Variants in TIAM1 observed in about 807,000 individuals in gnomAD.
TIAM1 encodes the protein rho guanine nucleotide exchange factor TIAM1.
TIAM1 carries 65 observed loss-of-function variants against 163.5 expected under a neutral mutation model. The observed-to-expected ratio is 0.40, with a 90% confidence interval of 0.33 to 0.49. The LOEUF is 0.49. Among genes scored for constraint, TIAM1 ranks in the 20% least tolerant of loss-of-function variants. TIAM1 has a pLI of 0.77. For missense variants in TIAM1, 1,789 were observed against 2,044.7 expected, an observed-to-expected ratio of 0.87 and a Z score of 2.41; for synonymous variants, 833 against 810.1, an observed-to-expected ratio of 1.03 and a Z score of -0.48.
At chr21:31,447,047 C>T (rs1353074128) in intron 2 of TIAM1, among the ~76,000 whole-genome samples, 3 of 152,006 alleles carry the variant, frequency 2.0e-5, no homozygotes, top group Non-Finnish European at 4.4e-5. Context: ...ATTATTACGG[C>T]CATTGTGGGC....
At chr21:31,341,736 T>A (rs114125962) in intron 1 of TIAM1, among the ~76,000 whole-genome samples, 1 of 152,202 alleles carries the variant, frequency 6.6e-6, no homozygotes. Context: ...GACAAATACA[T>A]GGTGTCCTCC....
intron 12 of TIAM1, among the ~76,000 whole-genome samples, chr21:31,198,869 A>AC (rs1172947600): frequency 2.0e-5 from 3 of 152,208 alleles, no homozygotes; most frequent in Non-Finnish European, 2.9e-5. Flanking sequence ...CGCTGGCCAC[A>AC]ACATCCTTAG....
intron 1 of TIAM1, among the ~76,000 whole-genome samples, chr21:31,499,948 CCT>C (rs1253694301): frequency 6.6e-6 from 1 of 151,874 alleles, no homozygotes; most frequent in African/African-American, 2.4e-5. Flanking sequence ...CGGCAAATCC[CCT>C]GAGGTCAGAA....
chr21:31,266,043 G>C lies in TIAM1; in HGVS notation c.930C>G (p.Asn310Lys). ...TTTTAGCTCTTCTGCCTTGCATGCT[G>C]TTGCTATGGCTAATTTGTGGGTTGG... ...GATNPQISHS[N>K]SMQGRRAKTT... The change falls in exon 4 of 28, where the codon AAC becomes AAG. Residue 310 changes from asparagine (N) to lysine (K), a missense_variant. Physicochemically the swap from Asn to Lys is moderately conservative, Grantham distance 94 (BLOSUM62 0). Transcript: ENST00000541036. 1 of 1,614,208 alleles carries C rather than the reference G, an allele frequency of 6.2e-7. No individual in the cohort carries two copies. The highest frequency in any genetic ancestry group is 8.5e-7 in the Non-Finnish European group (1 of 1,180,030).
intron 2 of TIAM1, among the ~76,000 whole-genome samples, chr21:31,320,552 G>A (rs2075277018): frequency 6.6e-6 from 1 of 152,140 alleles, no homozygotes; most frequent in Non-Finnish European, 1.5e-5. Flanking sequence ...TTGAGTCTGA[G>A]GTCTCCAAGG....
At chr21:31,550,019 G>A (rs1295354228) in intron 1 of TIAM1, among the ~76,000 whole-genome samples, 1 of 152,036 alleles carries the variant, frequency 6.6e-6, no homozygotes, top group South Asian at 2.1e-4. Context: ...AGCTACTCAG[G>A]AGGCAGAGGC....
rs149187623 is a variant in TIAM1 at position 31,410,993 on chromosome 21, A to C, written c.-369+52990T>G. Among the ~76,000 whole-genome samples, 19 of 152,280 alleles carry C rather than the reference A, an allele frequency of 1.2e-4. No individual in the cohort carries two copies. In the South Asian group the frequency reaches 1.7e-3, roughly 13 times the overall value. On this transcript the variant is annotated intron_variant, in intron 2 of 28. Coordinates refer to the TIAM1 transcript ENST00000286827. ...ACATTCCATGTTACATCACGGCCAC[A>C]AGGCAAGTGGCTCCAAGGGTGAGTG...
intron 2 of TIAM1, among the ~76,000 whole-genome samples, chr21:31,462,927 G>A (rs986539841): frequency 1.3e-5 from 2 of 152,078 alleles, no homozygotes; most frequent in East Asian, 3.9e-4. Context: ...ATTTGGAGTA[G>A]AGATAGGGTT....
intron 2 of TIAM1, among the ~76,000 whole-genome samples, chr21:31,373,312 C>T (rs113641468): frequency 3.4e-4 from 52 of 152,204 alleles, no homozygotes; most frequent in African/African-American, 9.6e-4. Flanking sequence ...TTTTGCTCTG[C>T]ATTAGTCTCT....
intron 6 of TIAM1, among the ~76,000 whole-genome samples, chr21:31,243,224 A>ATATATATATG (rs2071311238): frequency 6.9e-6 from 1 of 145,568 alleles, no homozygotes; most frequent in African/African-American, 2.5e-5. Context: ...ATATATATAT[A>ATATATATATG]TGTATATTTC....
At chr21:31,472,432 G>A (rs2045777563) in intron 1 of TIAM1, among the ~76,000 whole-genome samples, 1 of 152,050 alleles carries the variant, frequency 6.6e-6, no homozygotes, top group Non-Finnish European at 1.5e-5. Flanking sequence ...GAGGCTGAGA[G>A]AGGAGAATCG....
At chr21:31,222,141 T>C (rs953137909) in intron 8 of TIAM1, among the ~76,000 whole-genome samples, 2 of 152,122 alleles carry the variant, frequency 1.3e-5, no homozygotes, top group African/African-American at 4.8e-5. Flanking sequence ...AATCTATTTA[T>C]AAAGAATACA....
At chr21:31,413,011 CT>C (rs1189642745) in intron 2 of TIAM1, among the ~76,000 whole-genome samples, 1 of 152,026 alleles carries the variant, frequency 6.6e-6, no homozygotes, top group East Asian at 1.9e-4. Flanking sequence ...TTGGGGACCC[CT>C]CCCCTAAAAG....
In TIAM1 at chr21:31,223,580, CCAGA is replaced by C. The variant is rs2087755116; in HGVS notation, c.1817_1820del (p.Val606GlyfsTer19). 2 of 1,592,368 alleles carry C rather than the reference CCAGA, an allele frequency of 1.3e-6. No individual in the cohort carries two copies. The highest frequency in any genetic ancestry group is 1.8e-5 in the Admixed American group (1 of 55,866). On this transcript the variant is annotated frameshift_variant, in exon 8 of 28. Coordinates refer to ENST00000541036, the MANE Select transcript of TIAM1 (RefSeq NM_001353694.2). LOFTEE classifies it high-confidence loss of function. ...TTTGGAACTGCTCGAGATTTTGCTCCCAGACAAAGATCTATGGTAGTGAAAACAC... is the reference window on the plus strand; with the variant it reads ...TTTGGAACTGCTCGAGATTTTGCTCCCAAAGATCTATGGTAGTGAAAACAC...
At chr21:31,253,213 G>C (rs2071911981) in intron 4 of TIAM1, among the ~76,000 whole-genome samples, 1 of 152,236 alleles carries the variant, frequency 6.6e-6, no homozygotes, top group South Asian at 2.1e-4. Flanking sequence ...TAAGAAAGGA[G>C]CCTAATTGTT....
chr21:31,155,685 T>C (rs1011753131), intron 16 of TIAM1, among the ~76,000 whole-genome samples: 3 of 151,904 alleles, frequency 2.0e-5, no homozygotes, highest in Admixed American at 6.6e-5. Flanking sequence ...TTTGTATTTT[T>C]AGGAGAGACG....
intron 4 of TIAM1, among the ~76,000 whole-genome samples, chr21:31,253,259 A>G (rs1321118421): frequency 6.6e-6 from 1 of 152,248 alleles, no homozygotes; most frequent in Middle Eastern, 3.2e-3. Context: ...AGTCTAATAT[A>G]GAAGATGCCA....
rs866934022 is a variant in TIAM1 at position 31,124,278 on chromosome 21, G to C, written c.4306+244C>G. 3 of 405,026 alleles carry C rather than the reference G, an allele frequency of 7.4e-6. No homozygotes were observed. The South Asian group carries it at 2.9e-4, about 39-fold the overall frequency. The allele number at this position is 405,026 out of a possible 1,614,324, so 25.1% of individuals were successfully genotyped here. A position where few individuals can be genotyped will look rare whatever the true frequency, so the allele number is the denominator to read the frequency against. On this transcript the variant is annotated intron_variant, in intron 27 of 27. Transcript: ENST00000541036. ...TGAGGGAGGAGCTCACCAGCCAAAA[G>C]GAGAAGGGAGGCAAAGGGAAGGCTT...
At chr21:31,553,920 C>T (rs976860804) in intron 1 of TIAM1, among the ~76,000 whole-genome samples, 5 of 152,144 alleles carry the variant, frequency 3.3e-5, no homozygotes, top group Admixed American at 2.6e-4. Context: ...ATCGTGACCT[C>T]CCCCTGCCCC....
Sources: gnomAD v4.1 joint callset for allele counts (sites outside exome capture counted in the v4.1 genomes callset) on GRCh38, gnomAD v4.1.1 for gene constraint, MANE v1.5 for transcripts, NCBI Gene and HGNC (gene_info 2026-07-23, HGNC 2026-07-21) for gene names.